PDE4D: variants seen among roughly 807,000 people sequenced by gnomAD.
PDE4D encodes the protein phosphodiesterase 4D.
Under a neutral mutation model 87.4 loss-of-function variants are expected in PDE4D, and 24 were observed. The observed-to-expected ratio is 0.27, with a 90% confidence interval of 0.20 to 0.39. The LOEUF is 0.39. PDE4D is among the 10% of genes least tolerant of loss of function. PDE4D has a pLI of 1.00. For synonymous variants in PDE4D, 384 were observed against 383.2 expected (o/e 1.00, Z -0.02); for missense variants, 714 against 1,041.0 (o/e 0.69, Z 4.32).
At chr5:59,463,742 GA>G (rs1801118452) in intron 1 of PDE4D, among the ~76,000 whole-genome samples, 1 of 152,204 alleles carries the variant, frequency 6.6e-6, no homozygotes, top group Admixed American at 6.5e-5. Flanking sequence ...AAGTGTCACT[GA>G]TTTAGAACAT....
intron 1 of PDE4D, among the ~76,000 whole-genome samples, chr5:59,358,562 C>G (rs1399224455): frequency 6.6e-6 from 1 of 152,106 alleles, no homozygotes; most frequent in East Asian, 1.9e-4. Context: ...TTTTCGGCAG[C>G]TCTTAGGAAA....
At chr5:60,004,656 C>G (rs899032765) in intron 2 of PDE4D, among the ~76,000 whole-genome samples, 3 of 152,116 alleles carry the variant, frequency 2.0e-5, no homozygotes, top group African/African-American at 7.2e-5. Flanking sequence ...TAAAAATAGG[C>G]AAGGGACTTG....
exon 3 of PDE4D, chr5:59,988,546 T>C: frequency 1.9e-6 from 3 of 1,599,312 alleles, no homozygotes; most frequent in Non-Finnish European, 2.5e-6. Flanking sequence ...GGGAGGCTGG[T>C]TGGTCGTTGA....
At chr5:59,080,839 A>G (rs1469695227) in intron 5 of PDE4D, among the ~76,000 whole-genome samples, 1 of 152,212 alleles carries the variant, frequency 6.6e-6, no homozygotes, top group Non-Finnish European at 1.5e-5. Context: ...ATAATTAAAG[A>G]TCTGAACTAT....
intron 1 of PDE4D, among the ~76,000 whole-genome samples, chr5:59,374,417 A>G (rs1012781863): frequency 6.6e-5 from 10 of 152,188 alleles, no homozygotes; most frequent in African/African-American, 2.2e-4. Flanking sequence ...AACAAAGATA[A>G]AAAAGACAAA....
intron 6 of PDE4D, among the ~76,000 whole-genome samples, chr5:59,010,270 T>C (rs540772448): frequency 1.7e-3 from 257 of 152,274 alleles, no homozygotes; most frequent in African/African-American, 5.9e-3. Context: ...GAAGTTGCAG[T>C]GAGCTGAGAT....
At chr5:59,369,105 C>G (rs192297082) in intron 1 of PDE4D, among the ~76,000 whole-genome samples, 6 of 152,314 alleles carry the variant, frequency 3.9e-5, no homozygotes, top group Admixed American at 2.6e-4. Context: ...GTCATCACTT[C>G]TCAATCTACT....
At chr5:60,515,430 C>G (rs746131635) in intron 1 of PDE4D, among the ~76,000 whole-genome samples, 4 of 151,894 alleles carry the variant, frequency 2.6e-5, no homozygotes, top group Non-Finnish European at 5.9e-5. Context: ...TACTGTCTTT[C>G]AAAAATGGTT....
intron 5 of PDE4D, among the ~76,000 whole-genome samples, chr5:59,046,419 A>AG (rs751262478): frequency 2.2e-3 from 279 of 129,708 alleles, no homozygotes; most frequent in Non-Finnish European, 3.8e-3. Context: ...AGAGAGAGAG[A>AG]ATGTGTGTGT....
At chr5:60,045,117 G>A (rs1769048799) in intron 2 of PDE4D, among the ~76,000 whole-genome samples, 1 of 152,124 alleles carries the variant, frequency 6.6e-6, no homozygotes, top group African/African-American at 2.4e-5. Context: ...GATGGCCAGT[G>A]ATGGTGAGCA....
intron 2 of PDE4D, among the ~76,000 whole-genome samples, chr5:59,195,466 G>C (rs914208665): frequency 7.9e-5 from 12 of 152,216 alleles, no homozygotes; most frequent in African/African-American, 2.9e-4. Flanking sequence ...GCAACGAGAA[G>C]CTCGGTGATT....
chr5:59,062,824 T>C (rs997096022), intron 5 of PDE4D, among the ~76,000 whole-genome samples: 2 of 151,838 alleles, frequency 1.3e-5, no homozygotes, highest in African/African-American at 4.8e-5. Flanking sequence ...TATTTCATAT[T>C]TGAGCTGTCT....
At chr5:59,625,390 A>T (rs775047466) in intron 1 of PDE4D, among the ~76,000 whole-genome samples, 3 of 152,158 alleles carry the variant, frequency 2.0e-5, no homozygotes, top group Non-Finnish European at 2.9e-5. Context: ...GATGACCTTG[A>T]TTCCAGATAA....
At chr5:60,250,889 T>C (rs1045147622) in intron 1 of PDE4D, among the ~76,000 whole-genome samples, 2 of 151,982 alleles carry the variant, frequency 1.3e-5, no homozygotes, top group African/African-American at 4.8e-5. Flanking sequence ...TGGCAGCTCC[T>C]TGCATGTTAT....
chr5:59,160,263 T>C (rs1780861495), intron 5 of PDE4D, among the ~76,000 whole-genome samples: 2 of 152,196 alleles, frequency 1.3e-5, no homozygotes, highest in Non-Finnish European at 2.9e-5. Context: ...TTTTCACACA[T>C]TATCAGAAGC....
chr5:60,396,678 C>T (rs1236360805), intron 1 of PDE4D, among the ~76,000 whole-genome samples: 6 of 152,072 alleles, frequency 3.9e-5, no homozygotes, highest in Non-Finnish European at 8.8e-5. Context: ...CAGGTGAAAG[C>T]CACCATAACA....
rs1742542995 is a variant in PDE4D, at chr5:58,971,217, G to C, written c.*3447C>G. The stretch of plus-strand genomic sequence containing the variant: ...GTTAAGGCACAGCCCTGGGACCAAA[G>C]ACCTGCAGCTATGTTTTTTTAAATT... On this transcript the variant is annotated 3_prime_UTR_variant, in exon 15 of 15. Coordinates refer to ENST00000340635, the MANE Select transcript of PDE4D (RefSeq NM_001104631.2). The C allele has an allele frequency of 6.6e-6, 1 of 152,260 alleles. No homozygotes were observed. Among genetic ancestry groups the C allele is most frequent in the South Asian group, 2.1e-4 (1 of 4,830 alleles). 9.4% of individuals were successfully genotyped at this position (152,260 alleles called of 1,614,324 possible).
chr5:59,024,910 G>A (rs1755921018), intron 6 of PDE4D, among the ~76,000 whole-genome samples: 1 of 151,938 alleles, frequency 6.6e-6, no homozygotes, highest in South Asian at 2.1e-4. Flanking sequence ...AAACTTACTT[G>A]AAATATTTTT....
chr5:60,175,412 A>G (rs1465646858), intron 2 of PDE4D, among the ~76,000 whole-genome samples: 1 of 152,116 alleles, frequency 6.6e-6, no homozygotes, highest in Non-Finnish European at 1.5e-5. Context: ...TATGTGTCCC[A>G]TATATCACAT....
Sources: allele counts gnomAD v4.1 joint callset (sites outside exome capture counted in the v4.1 genomes callset), GRCh38; gene constraint gnomAD v4.1.1; transcripts MANE v1.5; gene names NCBI Gene and HGNC (gene_info 2026-07-23, HGNC 2026-07-21).